The following SLC9C2 variants were observed in gnomAD, a reference collection of about 807,000 sequenced individuals.
SLC9C2 encodes solute carrier family 9 member C2 (putative), also known as sodium/hydrogen exchanger 11.
A neutral mutation model predicts 140.2 loss-of-function variants in SLC9C2; 75 were observed. The observed-to-expected ratio is 0.53, with a 90% CI of 0.44 to 0.65. The LOEUF is 0.65. SLC9C2 is among the 30% of genes least tolerant of loss of function. SLC9C2 has a pLI of 0.00. For missense variants in SLC9C2, 1,074 were observed against 1,331.8 expected (o/e 0.81, Z 3.01); for synonymous variants, 375 against 420.9 (o/e 0.89, Z 1.34).
chr1:173,585,829 G>A (rs866454509), intron 5 of SLC9C2, among the ~76,000 whole-genome samples: 2 of 152,024 alleles, frequency 1.3e-5, no homozygotes, highest in African/African-American at 2.4e-5. Context: ...TTATCCAGGC[G>A]TAGCAGCACA....
intron 9 of SLC9C2, among the ~76,000 whole-genome samples, chr1:173,570,865 C>G (rs12042027): frequency 6.6e-6 from 1 of 151,832 alleles, no homozygotes; most frequent in Non-Finnish European, 1.5e-5. Flanking sequence ...TCCCCAAGTG[C>G]ACAGATTCTC....
intron 17 of SLC9C2, among the ~76,000 whole-genome samples, chr1:173,532,214 C>T (rs1035702670): frequency 3.9e-5 from 6 of 152,104 alleles, no homozygotes; most frequent in Non-Finnish European, 7.4e-5. Flanking sequence ...GTGGAGGAGT[C>T]TAATATGTGC....
chr1:173,535,860 C>A lies in SLC9C2; in HGVS notation c.1745G>T (p.Cys582Phe). ...TGGAATAAAATGTATCTTTTCTATA[C>A]AATATTCCAAGAAAGTTAAAACATT... The part of the protein sequence containing the change: ...FKNVLTFLEY[C>F]IEKIHFIPPE... The change falls in exon 15 of 28, where the codon TGT (cysteine) becomes TTT (phenylalanine). Residue 582 changes from cysteine (C) to phenylalanine (F), a missense_variant. Transcript: ENST00000367714. 1 of 1,515,606 alleles carries A rather than the reference C, an allele frequency of 6.6e-7. No individual in the cohort carries two copies. Among genetic ancestry groups the A allele is most frequent in the East Asian group, 2.4e-5 (1 of 40,902 alleles). The allele number at this position is 1,515,606 out of a possible 1,614,324, so 93.9% of individuals were successfully genotyped here. A position where few individuals can be genotyped will look rare whatever the true frequency, so the allele number is the denominator to read the frequency against.
chr1:173,582,148 T>C, intron 6 of SLC9C2, 140 bp from the exon 7 acceptor site: 1 of 566,228 alleles, frequency 1.8e-6, no homozygotes, highest in Non-Finnish European at 2.9e-6. Flanking sequence ...CAAATAGGAG[T>C]GTCTTGTGAA....
intron 13 of SLC9C2, among the ~76,000 whole-genome samples, chr1:173,542,591 A>C (rs1443937500): frequency 6.6e-6 from 1 of 152,200 alleles, no homozygotes; most frequent in East Asian, 1.9e-4. Context: ...CCTGATGAAC[A>C]TCAATGCAAA....
chr1:173,567,584 C>T (rs1352182695), intron 9 of SLC9C2, among the ~76,000 whole-genome samples: 5 of 151,958 alleles, frequency 3.3e-5, no homozygotes, highest in African/African-American at 9.7e-5. Context: ...GACAACAGAT[C>T]ATTGGGTCTT....
intron 7 of SLC9C2, among the ~76,000 whole-genome samples, chr1:173,578,748 T>C (rs761440629): frequency 9.2e-5 from 14 of 152,200 alleles, no homozygotes; most frequent in Non-Finnish European, 2.1e-4. Context: ...ATAGCTGGTA[T>C]TCTCTCTGTG....
chr1:173,599,974 C>T, intron 3 of SLC9C2, 143 bp downstream of exon 3: 1 of 523,220 alleles, frequency 1.9e-6, no homozygotes, highest in African/African-American at 1.9e-5. Flanking sequence ...TGGTTATTTT[C>T]CAAATTTTTT....
intron 19 of SLC9C2, among the ~76,000 whole-genome samples, chr1:173,525,705 C>T (rs1427387887): frequency 1.3e-5 from 2 of 152,178 alleles, no homozygotes; most frequent in Non-Finnish European, 2.9e-5. Context: ...ATTCAGTCAT[C>T]AGTTGCAGTA....
In SLC9C2 at chr1:173,597,929, T is replaced by A; in HGVS notation, c.332A>T (p.Tyr111Phe). 6.3e-7 allele frequency: 1 copy of A among 1,588,796 alleles called. No individual in the cohort carries two copies. The highest frequency in any genetic ancestry group is 2.2e-5 in the East Asian group (1 of 44,474). ...IFMVALDVEF[Y>F]TLKKMFWQVL... is the part of the protein sequence containing the mutation. ...CTGCCAAAACATTTTCTTGAGTGTA[T>A]AAAATTCTACATCCAAAGCAACCAT... is the stretch of plus-strand genomic sequence containing the variant. The change falls in exon 4 of 28, where the codon TAT becomes TTT. Residue 111 changes from tyrosine (Y) to phenylalanine (F), a missense_variant. By Grantham distance (22) the Tyr-to-Phe change is conservative (BLOSUM62 3). Coordinates refer to ENST00000367714, the MANE Select transcript of SLC9C2 (RefSeq NM_178527.4).
At chr1:173,554,185 G>A (rs1663511698) in intron 11 of SLC9C2, among the ~76,000 whole-genome samples, 1 of 151,934 alleles carries the variant, frequency 6.6e-6, no homozygotes, top group African/African-American at 2.4e-5. Flanking sequence ...TGATCATATC[G>A]CCAGCCCGGA....
chr1:173,569,046 C>T (rs1270223620), intron 9 of SLC9C2, among the ~76,000 whole-genome samples: 5 of 152,124 alleles, frequency 3.3e-5, no homozygotes, highest in African/African-American at 1.2e-4. Flanking sequence ...CTTCATTTCT[C>T]CTTCATGTTT....
intron 10 of SLC9C2, among the ~76,000 whole-genome samples, chr1:173,556,790 T>C (rs916491201): frequency 2.6e-5 from 4 of 151,900 alleles, no homozygotes; most frequent in African/African-American, 4.8e-5. Context: ...AATCCAGATG[T>C]GTTTGTGCAC....
At chr1:173,545,440 A>T (rs1267818316) in intron 13 of SLC9C2, among the ~76,000 whole-genome samples, 1 of 152,196 alleles carries the variant, frequency 6.6e-6, no homozygotes, top group African/African-American at 2.4e-5. Flanking sequence ...GCCCAGATGG[A>T]TTTCAGAATT....
chr1:173,522,096 C>T (rs1449402196), intron 21 of SLC9C2, among the ~76,000 whole-genome samples: 7 of 151,530 alleles, frequency 4.6e-5, no homozygotes, highest in Non-Finnish European at 7.4e-5. Context: ...GGCGTAGTGG[C>T]GGGCGCCTGT....
intron 10 of SLC9C2, among the ~76,000 whole-genome samples, chr1:173,556,588 C>T (rs906259628): frequency 1.3e-5 from 2 of 151,978 alleles, no homozygotes; most frequent in South Asian, 4.2e-4. Context: ...ACAAGAGTAT[C>T]ATTTTTTCAT....
rs775460686 is a variant in SLC9C2 at position 173,548,576 on chromosome 1, G to T, written c.1298-24C>A. On this transcript the variant is annotated intron_variant, in intron 11 of 27. Transcript: ENST00000367714. ...ATCTGTGACAAAGACAAAAGCAAAGGCCTTAATAGAGTACAGTGAGGACTG... is the reference window on the plus strand; with the variant it reads ...ATCTGTGACAAAGACAAAAGCAAAGTCCTTAATAGAGTACAGTGAGGACTG... 1.2e-5 allele frequency: 19 copies of T among 1,612,580 alleles called. No homozygotes were observed. The South Asian group carries it at 1.5e-4, about 13-fold the overall frequency.
chr1:173,575,736 C>A (rs1336990056), intron 8 of SLC9C2, among the ~76,000 whole-genome samples: 4 of 152,064 alleles, frequency 2.6e-5, no homozygotes, highest in African/African-American at 9.7e-5. Context: ...GCCACCACGC[C>A]CGGCTAATTT....
chr1:173,599,341 A>G (rs1398835486), intron 3 of SLC9C2, among the ~76,000 whole-genome samples: 2 of 132,720 alleles, frequency 1.5e-5, no homozygotes, highest in East Asian at 4.8e-4. Flanking sequence ...TGAACCCAAG[A>G]GCGCAAACAC....
Sources: gnomAD v4.1 joint callset for allele counts (sites outside exome capture counted in the v4.1 genomes callset) on GRCh38, gnomAD v4.1.1 for gene constraint, MANE v1.5 for transcripts, NCBI Gene and HGNC (gene_info 2026-07-23, HGNC 2026-07-21) for gene names.